MEAF6: variants seen among roughly 807,000 people sequenced by gnomAD.
MEAF6 encodes the protein chromatin modification-related protein MEAF6.
MEAF6 carries 15 observed loss-of-function variants against 28.9 expected under a neutral mutation model. The observed-to-expected ratio is 0.52, with a 90% CI of 0.35 to 0.80. The LOEUF is 0.80. MEAF6 is among the 30% of genes least tolerant of loss of function. MEAF6 has a pLI of 0.01. For missense variants in MEAF6, 178 were observed against 237.5 expected, an observed-to-expected ratio of 0.75 and a Z score of 1.65; for synonymous variants, 97 against 88.7, an observed-to-expected ratio of 1.09 and a Z score of -0.53.
chr1:37,502,306 C>T (rs1378808953), intron 4 of MEAF6, among the ~76,000 whole-genome samples: 1 of 152,164 alleles, frequency 6.6e-6, no homozygotes, highest in African/African-American at 2.4e-5. Context: ...GAACACTTGG[C>T]CTCAAACCAT....
chr1:37,501,420 G>C (rs1289609208), intron 5 of MEAF6: 1 of 162,652 alleles, frequency 6.1e-6, no homozygotes, highest in South Asian at 2.0e-4. Context: ...AGAATTACCA[G>C]CAGAAGACTT....
intron 5 of MEAF6, among the ~76,000 whole-genome samples, chr1:37,498,911 T>C (rs1475890605): frequency 6.6e-6 from 1 of 152,062 alleles, no homozygotes; most frequent in African/African-American, 2.4e-5. Context: ...CCCAGCACTT[T>C]GGGAGGCCGA....
intron 5 of MEAF6, among the ~76,000 whole-genome samples, chr1:37,499,246 A>T (rs751330146): frequency 6.6e-6 from 1 of 152,200 alleles, no homozygotes; most frequent in Non-Finnish European, 1.5e-5. Flanking sequence ...GCTCACCACT[A>T]AACAGTGTCT....
At position 37,493,627 on chromosome 1, in the gene MEAF6, A is replaced by T. The variant is rs940563596; in HGVS notation, c.*472T>A. ...GCATTACAAAAAAACCCCAAAGAAA[A>T]TAAGATAAAAACAACAAGAGAAAAA... On this transcript the variant is annotated 3_prime_UTR_variant, in exon 7 of 7. Transcript: ENST00000296214. The T allele has an allele frequency of 5.1e-6, 4 of 777,772 alleles. No individual in the cohort carries two copies. Among genetic ancestry groups the T allele is most frequent in the Non-Finnish European group, 6.4e-6 (3 of 471,024 alleles). The allele number at this position is 777,772 out of a possible 1,614,324, so 48.2% of individuals were successfully genotyped here. A position where few individuals can be genotyped will look rare whatever the true frequency, so the allele number is the denominator to read the frequency against.
chr1:37,505,351 G>C (rs982753592), intron 4 of MEAF6, among the ~76,000 whole-genome samples: 2 of 152,158 alleles, frequency 1.3e-5, no homozygotes, highest in Non-Finnish European at 2.9e-5. Context: ...ACACATTTTA[G>C]GAAAGCAACA....
At chr1:37,494,179 A>AG in intron 6 of MEAF6, 72 bp from the exon 7 acceptor site, 1 of 1,350,218 alleles carries the variant, frequency 7.4e-7, no homozygotes, top group Non-Finnish European at 1.0e-6. Context: ...GGAAAAAAAA[A>AG]ATCTCATAAA....
chr1:37,495,707 A>AAAAAAAAC (rs1642106825), intron 6 of MEAF6, among the ~76,000 whole-genome samples, 178 bp downstream of exon 6: 2 of 98,546 alleles, frequency 2.0e-5, no homozygotes, highest in Admixed American at 1.1e-4. Flanking sequence ...CAAAAAACAA[A>AAAAAAAAC]AAAAAAAAAA....
chr1:37,497,518 G>A (rs1479148746), intron 5 of MEAF6, among the ~76,000 whole-genome samples: 1 of 152,126 alleles, frequency 6.6e-6, no homozygotes, highest in Non-Finnish European at 1.5e-5. Flanking sequence ...AGTAGGTGAT[G>A]GCAATTAACT....
At chr1:37,496,696 A>G (rs201414603) in intron 5 of MEAF6, 2 of 1,596,782 alleles carry the variant, frequency 1.3e-6, no homozygotes, top group East Asian at 2.3e-5. Flanking sequence ...ACTAATTCAA[A>G]TCAAACTTAC....
Position 37,493,823 on chromosome 1 carries a change from G to A in MEAF6, c.*276C>T. The A allele has an allele frequency of 6.4e-7, 1 of 1,551,010 alleles. No individual in the cohort carries two copies. On this transcript the variant is annotated 3_prime_UTR_variant, in exon 7 of 7. Coordinates refer to ENST00000296214, the MANE Select transcript of MEAF6 (RefSeq NM_001270875.3). Reference sequence around the variant, plus strand: ...TGGGGGAGACATTCATTCTAAGAAGGGAGAAACGCACAGTTAGCAACTTGC... The same window carrying A: ...TGGGGGAGACATTCATTCTAAGAAGAGAGAAACGCACAGTTAGCAACTTGC...
chr1:37,513,845 T>G, intron 1 of MEAF6: 1 of 449,122 alleles, frequency 2.2e-6, no homozygotes, highest in Non-Finnish European at 4.0e-6. Flanking sequence ...AACGCAGAAC[T>G]TGGGCGATGT....
rs1310336783 is a variant in MEAF6 at position 37,501,825 on chromosome 1, C to T, written c.512G>A (p.Arg171Gln). Reference protein sequence around the residue: ...SGSHHSSHKKRKNKNRHRIDL... With the variant: ...SGSHHSSHKKQKNKNRHRIDL... ...TGACCTGTGCCGGTTTTTATTCTTT[C>T]GCTTTTTATGGCTGCTGTGGTGACT... Residue 171 changes from arginine (R) to glutamine (Q), a missense_variant, in exon 5 of 7, where the codon CGA becomes CAA. By Grantham distance (43) the Arg-to-Gln change is conservative. Coordinates refer to ENST00000296214, the MANE Select transcript of MEAF6 (RefSeq NM_001270875.3). 3.1e-6 allele frequency: 5 copies of T among 1,590,058 alleles called. No individual in the cohort carries two copies. Among genetic ancestry groups the T allele is most frequent in the Non-Finnish European group, 4.3e-6 (5 of 1,163,378 alleles).
intron 2 of MEAF6, among the ~76,000 whole-genome samples, chr1:37,510,783 C>T (rs1417702682): frequency 4.6e-5 from 7 of 151,856 alleles, no homozygotes; most frequent in East Asian, 3.9e-4. Context: ...ACTGCAATGG[C>T]GCGAGCTCGG....
chr1:37,494,309 T>C (rs1642039428), intron 6 of MEAF6, among the ~76,000 whole-genome samples: 1 of 147,616 alleles, frequency 6.8e-6, no homozygotes, highest in African/African-American at 2.5e-5. Context: ...AGGTCAGGAG[T>C]TCGAGACCAG....
At chr1:37,502,324 C>T (rs1642335886) in intron 4 of MEAF6, among the ~76,000 whole-genome samples, 1 of 150,794 alleles carries the variant, frequency 6.6e-6, no homozygotes, top group African/African-American at 2.5e-5. Flanking sequence ...CATCCTCCTG[C>T]CTCAGCCTCC....
At chr1:37,498,200 A>G (rs1053574357) in intron 5 of MEAF6, among the ~76,000 whole-genome samples, 3 of 152,192 alleles carry the variant, frequency 2.0e-5, no homozygotes, top group Admixed American at 6.5e-5. Flanking sequence ...CTTAATGTCA[A>G]TATCTCTCAC....
rs1641893239 is a variant in MEAF6 at position 37,490,506 on chromosome 1, G to A, written c.*3593C>T. Among the ~76,000 whole-genome samples, 1 of 152,112 alleles carries A rather than the reference G, an allele frequency of 6.6e-6. No individual in the cohort carries two copies. The highest frequency in any genetic ancestry group is 2.4e-5 in the African/African-American group (1 of 41,438). On this transcript the variant is annotated 3_prime_UTR_variant, in exon 7 of 7. Coordinates refer to ENST00000296214, the MANE Select transcript of MEAF6 (RefSeq NM_001270875.3). ...CTCTCCCCACACTTCACATAAACCA[G>A]TATAGTCCCCCTGTAGTCAAGGCTT...
chr1:37,508,248 A>G (rs1482306641), intron 4 of MEAF6, among the ~76,000 whole-genome samples: 1 of 150,526 alleles, frequency 6.6e-6, no homozygotes, highest in Non-Finnish European at 1.5e-5. Flanking sequence ...ACATACAGGT[A>G]CATCCTATTT....
chr1:37,500,301 A>T (rs191219861), intron 5 of MEAF6, among the ~76,000 whole-genome samples: 385 of 152,198 alleles, frequency 2.5e-3, no homozygotes, highest in African/African-American at 8.5e-3. Context: ...TGAAAAAAAT[A>T]AAAAATTAAA....
Sources: allele counts gnomAD v4.1 joint callset (sites outside exome capture counted in the v4.1 genomes callset), GRCh38; gene constraint gnomAD v4.1.1; transcripts MANE v1.5; gene names NCBI Gene and HGNC (gene_info 2026-07-23, HGNC 2026-07-21).